HDAC8: variants seen among roughly 807,000 people sequenced by gnomAD.
The protein encoded by HDAC8 is histone deacetylase 8.
In HDAC8, 1 loss-of-function variant was observed where a neutral mutation model predicts 32.2. That is an observed-to-expected ratio of 0.03 (90% CI 0.01 to 0.15). The LOEUF is 0.15. HDAC8 is among the 10% of genes least tolerant of loss of function. The pLI is 1.00. For missense variants in HDAC8, 117 were observed against 300.0 expected (o/e 0.39, Z 4.51); for synonymous variants, 108 against 113.9 (o/e 0.95, Z 0.33).
chrX:72,426,072 A>G lies in HDAC8; in HGVS notation c.1005+35932T>C, dbSNP rs1209800073. The stretch of plus-strand genomic sequence containing the variant: ...CACCACTGGTTTTTTACAAGGTTAT[A>G]TTTTTCCCCTAATTTTCAAAGTAAG... On this transcript the variant is annotated intron_variant, in intron 9 of 10. Coordinates refer to ENST00000373573, the MANE Select transcript of HDAC8 (RefSeq NM_018486.3). 2.7e-5 allele frequency among the ~76,000 whole-genome samples: 3 copies of G among 111,604 alleles called. No individual in the cohort carries two copies. The East Asian group carries it at 8.4e-4, about 31-fold the overall frequency.
At chrX:72,550,581 C>T (rs1603222741) in intron 4 of HDAC8, among the ~76,000 whole-genome samples, 2 of 109,714 alleles carry the variant, frequency 1.8e-5, no homozygotes, top group South Asian at 7.9e-4. Context: ...ACAAGTTTCA[C>T]GAAACCCACC....
At chrX:72,551,268 G>A (rs1004533058) in intron 4 of HDAC8, among the ~76,000 whole-genome samples, 7 of 111,645 alleles carry the variant, frequency 6.3e-5, no homozygotes, top group Non-Finnish European at 1.3e-4. Context: ...TGAATATTTT[G>A]GCAAAATCAG....
In HDAC8 at chrX:72,393,846, T is replaced by C. The variant is rs782813446; in HGVS notation, c.1006-42008A>G. Among the ~76,000 whole-genome samples, 8 of 112,285 alleles carry C rather than the reference T, an allele frequency of 7.1e-5. No homozygotes were observed. In the East Asian group the frequency reaches 2.0e-3, roughly 28 times the overall value. On this transcript the variant is annotated intron_variant, in intron 9 of 10. Transcript: ENST00000373573. ...TGAATGTAATGATGAAGTTCTTGTT[T>C]TTTTATTTAATTTCATCACAAATTT...
chrX:72,540,987 C>G (rs2050687710), intron 4 of HDAC8, among the ~76,000 whole-genome samples: 1 of 111,418 alleles, frequency 9.0e-6, no homozygotes, highest in African/African-American at 3.3e-5. Context: ...GGCAGTGAAG[C>G]TATAGTAAGG....
At chrX:72,421,882 T>A (rs1479415032) in intron 9 of HDAC8, among the ~76,000 whole-genome samples, 1 of 112,143 alleles carries the variant, frequency 8.9e-6, no homozygotes, top group Admixed American at 9.4e-5. Context: ...TATCTGAGAA[T>A]GTCTTACATT....
At chrX:72,467,898 T>G in intron 7 of HDAC8, 1 of 1,063,800 alleles carries the variant, frequency 9.4e-7, no homozygotes, top group Non-Finnish European at 1.3e-6. Flanking sequence ...TTATGAGTGT[T>G]TGGTATTTAG....
At chrX:72,512,342 C>A (rs192149063) in intron 4 of HDAC8, among the ~76,000 whole-genome samples, 12 of 111,834 alleles carry the variant, frequency 1.1e-4, no homozygotes, top group African/African-American at 3.6e-4. Flanking sequence ...TCCCTTTGTG[C>A]TAGGGGTTGT....
chrX:72,372,014 C>T (rs1555956541), intron 9 of HDAC8, among the ~76,000 whole-genome samples: 1 of 111,238 alleles, frequency 9.0e-6, no homozygotes, highest in African/African-American at 3.3e-5. Context: ...TTGAATGGCA[C>T]TTGGGCCCTT....
chrX:72,559,654 G>A (rs1332935353), intron 4 of HDAC8, among the ~76,000 whole-genome samples: 1 of 108,171 alleles, frequency 9.2e-6, no homozygotes, highest in Non-Finnish European at 1.9e-5. Context: ...CCCATCGTCT[G>A]AGATGTGGGG....
chrX:72,567,699 T>C, intron 4 of HDAC8, 190 bp downstream of exon 4: 1 of 1,194,755 alleles, frequency 8.4e-7, no homozygotes, highest in Non-Finnish European at 1.1e-6. Context: ...GTCCTGACTT[T>C]GAGCAGTGTG....
intron 9 of HDAC8, among the ~76,000 whole-genome samples, chrX:72,460,538 A>G (rs956102506): frequency 4.5e-5 from 5 of 112,099 alleles, no homozygotes; most frequent in Non-Finnish European, 9.4e-5. Context: ...ATATTTCAGT[A>G]TAAAGACAGA....
intron 9 of HDAC8, among the ~76,000 whole-genome samples, chrX:72,380,113 GC>G (rs2045226140): frequency 9.0e-6 from 1 of 111,099 alleles, no homozygotes; most frequent in African/African-American, 3.3e-5. Flanking sequence ...CATATGCATA[GC>G]CTTTTAGATT....
At chrX:72,553,822 G>A (rs782367907) in intron 4 of HDAC8, among the ~76,000 whole-genome samples, 1 of 112,333 alleles carries the variant, frequency 8.9e-6, no homozygotes, top group South Asian at 3.7e-4. Flanking sequence ...AGGGCTGACT[G>A]TATTTATAGA....
intron 4 of HDAC8, among the ~76,000 whole-genome samples, chrX:72,554,210 C>T (rs1051881447): frequency 1.6e-4 from 18 of 111,086 alleles, no homozygotes; most frequent in African/African-American, 5.9e-4. Flanking sequence ...GGCTAGGAGG[C>T]AGGACTAGCT....
intron 4 of HDAC8, among the ~76,000 whole-genome samples, chrX:72,548,814 C>A (rs2050959478): frequency 9.0e-6 from 1 of 111,452 alleles, no homozygotes; most frequent in Non-Finnish European, 1.9e-5. Flanking sequence ...GGACTACAGG[C>A]ATGCACCACC....
intron 9 of HDAC8, among the ~76,000 whole-genome samples, chrX:72,419,229 T>C (rs2046422454): frequency 8.9e-6 from 1 of 111,737 alleles, no homozygotes; most frequent in South Asian, 3.7e-4. Context: ...GACACCTTAA[T>C]AATATTGTCT....
intron 9 of HDAC8, among the ~76,000 whole-genome samples, chrX:72,391,646 T>TGATG (rs1191250606): frequency 1.8e-5 from 2 of 111,764 alleles, no homozygotes; most frequent in African/African-American, 6.5e-5. Flanking sequence ...CCCTCTCAAG[T>TGATG]GATGGTAAAA....
At chrX:72,533,803 A>C (rs1478039544) in intron 4 of HDAC8, among the ~76,000 whole-genome samples, 1 of 111,878 alleles carries the variant, frequency 8.9e-6, no homozygotes, top group Non-Finnish European at 1.9e-5. Context: ...CCATTTGACA[A>C]GATCCAACAC....
At chrX:72,446,297 A>G (rs2047392964) in intron 9 of HDAC8, among the ~76,000 whole-genome samples, 2 of 112,451 alleles carry the variant, frequency 1.8e-5, no homozygotes, top group Non-Finnish European at 3.8e-5. Context: ...AATGTTCAAC[A>G]ATGATAGACT....
Sources: allele counts gnomAD v4.1 joint callset (sites outside exome capture counted in the v4.1 genomes callset), GRCh38; gene constraint gnomAD v4.1.1; transcripts MANE v1.5; gene names NCBI Gene and HGNC (gene_info 2026-07-23, HGNC 2026-07-21).